Variants in DLGAP2 observed in about 807,000 individuals in gnomAD.
DLGAP2 encodes the protein DLG associated protein 2, also known as disks large-associated protein 2.
In DLGAP2, 26 loss-of-function variants were observed where a neutral mutation model predicts 100.3. The observed-to-expected ratio is 0.26, with a 90% confidence interval of 0.19 to 0.36. The LOEUF (loss-of-function observed/expected upper bound fraction) is 0.36, where lower values mean the gene tolerates loss of function less well. Ranked by LOEUF, DLGAP2 falls within the 10% of genes least tolerant of loss-of-function variation. The probability of loss-of-function intolerance (pLI) is 1.00; values close to 1 mark genes in which losing one functional copy is unlikely to be tolerated. For synonymous variants in DLGAP2, 886 were observed against 630.1 expected (o/e 1.41, Z -6.08); for missense variants, 1,858 against 1,453.2 (o/e 1.28, Z -4.53).
chr8:781,384 A>G (rs1302311553), intron 1 of DLGAP2, among the ~76,000 whole-genome samples: 2 of 152,226 alleles, frequency 1.3e-5, no homozygotes, highest in African/African-American at 4.8e-5. Context: ...AAGGGTTAGG[A>G]ACATCACAGA....
At chr8:1,066,248 C>A (rs1018921649) in intron 2 of DLGAP2, among the ~76,000 whole-genome samples, 1 of 149,664 alleles carries the variant, frequency 6.7e-6, no homozygotes, top group Non-Finnish European at 1.5e-5. Flanking sequence ...CAGCTCCCCA[C>A]CACGGTCAGG....
intron 6 of DLGAP2, among the ~76,000 whole-genome samples, chr8:1,566,275 G>C (rs1016361382): frequency 6.6e-6 from 1 of 152,062 alleles, no homozygotes. Flanking sequence ...ACGGAATTTT[G>C]TTGTTGACTA....
chr8:1,625,275 C>G (rs1420022175), intron 6 of DLGAP2, among the ~76,000 whole-genome samples: 1 of 152,174 alleles, frequency 6.6e-6, no homozygotes, highest in African/African-American at 2.4e-5. Context: ...ATTTCTACAG[C>G]TTTTGATAAA....
intron 1 of DLGAP2, among the ~76,000 whole-genome samples, chr8:870,008 C>CAAA (rs576493428): frequency 3.3e-5 from 4 of 121,026 alleles, no homozygotes; most frequent in Admixed American, 8.4e-5. Flanking sequence ...GCCTAATTTA[C>CAAA]AAAAAAAAAA....
intron 1 of DLGAP2, 52 bp from the exon 2 acceptor site, chr8:907,860 T>C (rs1192646595): frequency 2.5e-6 from 1 of 398,462 alleles, no homozygotes. Flanking sequence ...ATGAGATGCC[T>C]TCCTCCACGC....
chr8:1,508,273 G>T (rs1800004161), intron 4 of DLGAP2, among the ~76,000 whole-genome samples: 1 of 101,142 alleles, frequency 9.9e-6, no homozygotes. Flanking sequence ...GCTGCCCCCT[G>T]CCATACCCCG....
chr8:1,432,135 C>T (rs568670129), intron 3 of DLGAP2, among the ~76,000 whole-genome samples: 55 of 152,300 alleles, frequency 3.6e-4, no homozygotes, highest in African/African-American at 1.3e-3. Context: ...TTTGATCATT[C>T]GGGGCTAGTT....
At chr8:1,123,398 G>A (rs1213244402) in intron 2 of DLGAP2, among the ~76,000 whole-genome samples, 1 of 152,132 alleles carries the variant, frequency 6.6e-6, no homozygotes, top group East Asian at 1.9e-4. Flanking sequence ...CCTCCACCCG[G>A]TCAGAATGAG....
At chr8:1,500,185 G>T (rs796205401) in intron 3 of DLGAP2, among the ~76,000 whole-genome samples, 2 of 152,192 alleles carry the variant, frequency 1.3e-5, no homozygotes, top group African/African-American at 2.4e-5. Flanking sequence ...ATGTTTACAT[G>T]CACATGTAAC....
intron 6 of DLGAP2, among the ~76,000 whole-genome samples, chr8:1,597,239 C>T (rs567208676): frequency 1.3e-5 from 2 of 152,194 alleles, no homozygotes; most frequent in African/African-American, 4.8e-5. Context: ...TGTTTTGATA[C>T]TAGTACCATC....
At chr8:1,234,667 G>A (rs1055115788) in intron 2 of DLGAP2, among the ~76,000 whole-genome samples, 5 of 152,152 alleles carry the variant, frequency 3.3e-5, no homozygotes, top group African/African-American at 1.2e-4. Context: ...GATCGAGAAC[G>A]AGGCTTAAAA....
chr8:1,059,113 C>T (rs902923411), intron 2 of DLGAP2, among the ~76,000 whole-genome samples: 2 of 152,140 alleles, frequency 1.3e-5, no homozygotes, highest in Non-Finnish European at 2.9e-5. Context: ...TCTCTGTGTC[C>T]AGTGGGAGTC....
rs1212334502 is a variant in DLGAP2, at chr8:864,412, AGTCTCTGTGGATTGGAAC to A, written c.19-43499_19-43482del. Among the ~76,000 whole-genome samples, 4 of 152,232 alleles carry A rather than the reference AGTCTCTGTGGATTGGAAC, an allele frequency of 2.6e-5. No homozygotes were observed. In the East Asian group the frequency reaches 7.7e-4, roughly 29 times the overall value. ...ACACCCTAATTTGTCCATTGCACAA[AGTCTCTGTGGATTGGAAC>A]ATCTCACTGTGCCCCATGAATAAGT... On this transcript the variant is annotated intron_variant, in intron 1 of 14. Coordinates refer to ENST00000637795, the MANE Select transcript of DLGAP2 (RefSeq NM_001346810.2).
intron 2 of DLGAP2, among the ~76,000 whole-genome samples, chr8:1,077,283 A>C (rs1038210090): frequency 1.3e-5 from 2 of 152,078 alleles, no homozygotes; most frequent in African/African-American, 4.8e-5. Flanking sequence ...TCTAAACGCA[A>C]CCATGTTGGG....
At chr8:1,582,507 C>G (rs558054973) in intron 6 of DLGAP2, among the ~76,000 whole-genome samples, 1 of 147,454 alleles carries the variant, frequency 6.8e-6, no homozygotes, top group African/African-American at 2.5e-5. Flanking sequence ...TGAAAAAAGT[C>G]ATCCTTAGGA....
intron 3 of DLGAP2, among the ~76,000 whole-genome samples, chr8:1,498,735 C>G (rs1435865244): frequency 6.6e-6 from 1 of 152,200 alleles, no homozygotes; most frequent in Non-Finnish European, 1.5e-5. Flanking sequence ...GTTTCTCTCT[C>G]AAAGCAGCTT....
At chr8:1,606,224 A>T (rs917537685) in intron 6 of DLGAP2, among the ~76,000 whole-genome samples, 1 of 152,212 alleles carries the variant, frequency 6.6e-6, no homozygotes, top group African/African-American at 2.4e-5. Context: ...AAAGCTAAAT[A>T]GAGTGCTCTT....
At chr8:964,435 C>T (rs183227704) in intron 2 of DLGAP2, among the ~76,000 whole-genome samples, 7 of 152,364 alleles carry the variant, frequency 4.6e-5, no homozygotes, top group African/African-American at 1.2e-4. Context: ...AGAGCAGAGT[C>T]GCAGAGGACC....
intron 2 of DLGAP2, among the ~76,000 whole-genome samples, chr8:1,253,318 C>T (rs1040089478): frequency 5.3e-5 from 8 of 152,136 alleles, no homozygotes; most frequent in Non-Finnish European, 1.0e-4. Flanking sequence ...TGCCAGGGCC[C>T]CTTTATCTCC....
Sources: allele counts gnomAD v4.1 joint callset (sites outside exome capture counted in the v4.1 genomes callset), GRCh38; gene constraint gnomAD v4.1.1; transcripts MANE v1.5; gene names NCBI Gene and HGNC (gene_info 2026-07-23, HGNC 2026-07-21).